Variants in MAPDA observed in about 807,000 individuals in gnomAD.
The protein encoded by MAPDA is N6,N6-dimethyl-AMP deaminase.
At chr15:43,340,190 C>G in the MAPDA span, 54 of 1,262,674 alleles carry the variant, frequency 4.3e-5, no homozygotes, top group African/African-American at 7.7e-4. Context: ...TAAAATAAAG[C>G]TGTAGCACTT....
the MAPDA span, chr15:43,351,782 T>G: frequency 3.2e-6 from 5 of 1,551,244 alleles, no homozygotes; most frequent in Non-Finnish European, 4.4e-6. Context: ...GCAACACACC[T>G]TTCTCAAGAG....
At chr15:43,334,334 A>G in the MAPDA span, among the ~76,000 whole-genome samples, 1 of 151,868 alleles carries the variant, frequency 6.6e-6, no homozygotes, top group Non-Finnish European at 1.5e-5. Context: ...CAAAATTTAA[A>G]ATTTTATTTT....
the MAPDA span, chr15:43,351,663 A>G: frequency 7.8e-7 from 1 of 1,282,306 alleles, no homozygotes; most frequent in Non-Finnish European, 1.1e-6. Context: ...AGCATAGTAA[A>G]TAGGAAAATA....
At chr15:43,347,193 A>C in the MAPDA span, 1 of 998,662 alleles carries the variant, frequency 1.0e-6, no homozygotes, top group Non-Finnish European at 1.5e-6. Flanking sequence ...TTGGAAAAAC[A>C]TTTTTTAAAA....
chr15:43,334,664 T>TA, the MAPDA span, among the ~76,000 whole-genome samples: 14 of 121,912 alleles, frequency 1.1e-4, 1 homozygote, highest in Non-Finnish European at 2.2e-4. Flanking sequence ...TATATATATA[T>TA]TTTATCCAAA....
At chr15:43,332,674 A>G in the MAPDA span, among the ~76,000 whole-genome samples, 1 of 152,228 alleles carries the variant, frequency 6.6e-6, no homozygotes, top group African/African-American at 2.4e-5. Context: ...TTTAAACAAA[A>G]TAACTATCTA....
chr15:43,350,905 C>T, the MAPDA span: 3 of 1,503,826 alleles, frequency 2.0e-6, no homozygotes, highest in Non-Finnish European at 2.7e-6. Flanking sequence ...CACTTATTTG[C>T]TTTTAATAAG....
the MAPDA span, chr15:43,340,280 A>AT: frequency 3.1e-6 from 5 of 1,614,008 alleles, no homozygotes; most frequent in African/African-American, 1.3e-5. Context: ...AAAAGATGTC[A>AT]TAAAAGAATT....
At chr15:43,342,501 C>A in the MAPDA span, among the ~76,000 whole-genome samples, 11 of 150,314 alleles carry the variant, frequency 7.3e-5, no homozygotes. Flanking sequence ...GTAATCCCAG[C>A]ACTTTGGGAG....
the MAPDA span, chr15:43,336,489 G>A: frequency 5.2e-5 from 33 of 631,244 alleles, 1 homozygote; most frequent in South Asian, 8.7e-4. Context: ...CCAGATCAAT[G>A]TAATTTTTGA....
the MAPDA span, among the ~76,000 whole-genome samples, chr15:43,345,358 A>AG: frequency 2.4e-5 from 3 of 127,048 alleles, no homozygotes; most frequent in African/African-American, 1.3e-4. Flanking sequence ...CCATCTCAAA[A>AG]AAAAAAAAAA....
the MAPDA span, among the ~76,000 whole-genome samples, chr15:43,349,613 C>G: frequency 6.6e-6 from 1 of 152,142 alleles, no homozygotes; most frequent in Non-Finnish European, 1.5e-5. Context: ...GAAAATTAAA[C>G]AGGCTGATAT....
At chr15:43,353,442 T>C in the MAPDA span, 1 of 152,204 alleles carries the variant, frequency 6.6e-6, no homozygotes, top group Non-Finnish European at 1.5e-5. Flanking sequence ...TTTTCTGTCT[T>C]TCTGTGATAT....
the MAPDA span, among the ~76,000 whole-genome samples, chr15:43,337,711 C>G: frequency 6.6e-6 from 1 of 152,162 alleles, no homozygotes. Context: ...AAAGACTGAT[C>G]TTCATGATAA....
chr15:43,351,638 T>G, the MAPDA span: 1 of 1,013,870 alleles, frequency 9.9e-7, no homozygotes, highest in Non-Finnish European at 1.4e-6. Context: ...GGCCCTTGTT[T>G]AGACTCTTGA....
the MAPDA span, chr15:43,350,824 T>G: frequency 2.4e-6 from 2 of 834,306 alleles, no homozygotes; most frequent in Non-Finnish European, 3.8e-6. Context: ...CTTTGTAAAC[T>G]AATAAACTAC....
At chr15:43,330,816 G>C in the MAPDA span, 1 of 250,380 alleles carries the variant, frequency 4.0e-6, no homozygotes, top group Non-Finnish European at 7.6e-6. Context: ...CCAGTCAAAA[G>C]GGAAACCTTG....
the MAPDA span, chr15:43,335,595 A>G: frequency 7.8e-7 from 1 of 1,279,498 alleles, no homozygotes; most frequent in Non-Finnish European, 1.1e-6. Context: ...AGCTAAATCT[A>G]GTAAGCAGTT....
At chr15:43,351,802 G>A in the MAPDA span, 1 of 1,551,508 alleles carries the variant, frequency 6.4e-7, no homozygotes, top group Non-Finnish European at 8.7e-7. Context: ...GTACCAGCTG[G>A]CAGCTGAAAC....
Sources: allele counts gnomAD v4.1 joint callset (sites outside exome capture counted in the v4.1 genomes callset), GRCh38; gene constraint gnomAD v4.1.1; transcripts MANE v1.5; gene names NCBI Gene and HGNC (gene_info 2026-07-23, HGNC 2026-07-21).